The following OBSL1 variants were observed in gnomAD, a reference collection of about 807,000 sequenced individuals.
The protein encoded by OBSL1 is obscurin-like protein 1.
In OBSL1, 160 loss-of-function variants were observed where a neutral mutation model predicts 172.0. The ratio of observed to expected loss-of-function variants is 0.93; its 90% CI spans 0.82 to 1.06. The LOEUF (loss-of-function observed/expected upper bound fraction) is 1.06. Among genes scored for constraint, OBSL1 ranks in the 50% least tolerant of loss-of-function variants. The probability of loss-of-function intolerance (pLI) is 0.00; values close to 1 mark genes in which losing one functional copy is unlikely to be tolerated. For missense variants in OBSL1, 2,681 were observed against 2,715.4 expected (o/e 0.99, Z 0.28); for synonymous variants, 1,200 against 1,196.3 (o/e 1.00, Z -0.06).
At chr2:219,560,787 G>A (rs955083416) in intron 8 of OBSL1, among the ~76,000 whole-genome samples, 2 of 152,220 alleles carry the variant, frequency 1.3e-5, no homozygotes, top group Admixed American at 1.3e-4. Flanking sequence ...CTCTGGGGCC[G>A]AGCAAGGCCA....
chr2:219,566,831 T>G lies in OBSL1; in HGVS notation c.2133A>C (p.Gln711His). Residue 711 changes from glutamine (Q) to histidine (H), a missense_variant and splice_region_variant, in exon 5 of 21, where the codon CAA becomes CAC. Gln to His is a conservative substitution (Grantham distance 24). Transcript: ENST00000404537. ...GVQDSAALTI[Q>H]ESPVHILSPQ... Reference sequence around the variant, plus strand: ...ACTCAGGTCCCCACTGGCACCAACCTTGGATTGTGAGGGCAGCTGAGTCCT... The same window carrying G: ...ACTCAGGTCCCCACTGGCACCAACCGTGGATTGTGAGGGCAGCTGAGTCCT... 2 of 1,576,098 alleles carry G rather than the reference T, an allele frequency of 1.3e-6. No individual in the cohort carries two copies. Among genetic ancestry groups the G allele is most frequent in the African/African-American group, 1.3e-5 (1 of 74,316 alleles).
intron 5 of OBSL1, 21 bp from the exon 6 acceptor site, chr2:219,565,535 A>G (rs370908818): frequency 1.0e-5 from 16 of 1,597,700 alleles, no homozygotes; most frequent in Non-Finnish European, 1.4e-5. Context: ...AGAAGTACAG[A>G]TAAGCACCCC....
At chr2:219,557,780 G>A in intron 11 of OBSL1, 43 bp downstream of exon 11, 1 of 1,539,390 alleles carries the variant, frequency 6.5e-7, no homozygotes, top group African/African-American at 1.4e-5. Flanking sequence ...GCCACTCTCA[G>A]GCTTGGTGCC....
downstream of OBSL1, chr2:219,549,425 T>C (rs529972195): frequency 2.0e-6 from 3 of 1,527,978 alleles, no homozygotes; most frequent in African/African-American, 4.2e-5. Context: ...AGGACTGGGC[T>C]TTCCCCACGG....
At chr2:219,562,976 T>G in intron 7 of OBSL1, 2 of 498,034 alleles carry the variant, frequency 4.0e-6, no homozygotes, top group Non-Finnish European at 7.1e-6. Context: ...AGGGTGGAAC[T>G]GATGAGAGGA....
At chr2:219,551,225 G>A in intron 20 of OBSL1, 13 of 1,391,892 alleles carry the variant, frequency 9.3e-6, no homozygotes, top group Non-Finnish European at 1.2e-5. Context: ...GAAAGGAACT[G>A]GTAGAAACAG....
In OBSL1 at chr2:219,570,362, G is replaced by C; in HGVS notation, c.871C>G (p.Arg291Gly). Residue 291 changes from arginine (R) to glycine (G), a missense_variant, in exon 1 of 21, where the codon CGC becomes GGC. Transcript: ENST00000404537. ...WEGRPLLPDR[R>G]RLMYRDRDGG... is the part of the protein sequence containing the mutation. ...TCGCGGTCGCGGTACATGAGGCGGC[G>C]GCGGTCCGGGAGCAGCGGGCGGCCC... The C allele has an allele frequency of 6.2e-7, 1 of 1,612,904 alleles. No individual in the cohort carries two copies. The highest frequency in any genetic ancestry group is 1.1e-5 in the South Asian group (1 of 91,054).
intron 9 of OBSL1, 39 bp from the exon 10 acceptor site, chr2:219,558,498 C>A (rs1196063108): frequency 6.6e-7 from 1 of 1,507,538 alleles, no homozygotes; most frequent in East Asian, 2.5e-5. Flanking sequence ...TAGGCTTGGC[C>A]AGCAGGCCTC....
intron 20 of OBSL1, 24 bp downstream of exon 20, chr2:219,551,505 C>T (rs770447239): frequency 1.7e-5 from 27 of 1,553,676 alleles, no homozygotes; most frequent in Non-Finnish European, 2.4e-5. Context: ...ACCCTCCTGC[C>T]GCTGCCCAGT....
chr2:219,547,425 C>G, downstream of OBSL1: 1 of 1,155,528 alleles, frequency 8.7e-7, no homozygotes, highest in Non-Finnish European at 1.1e-6. Context: ...CCTGGGATCC[C>G]ATGTCCTTGA....
At chr2:219,552,010 GAAGA>G in intron 19 of OBSL1, 98 bp downstream of exon 19, 1 of 1,221,166 alleles carries the variant, frequency 8.2e-7, no homozygotes, top group Admixed American at 2.0e-5. Flanking sequence ...GGGGGGAAGG[GAAGA>G]GAGAGGCAGC....
Position 219,558,353 on chromosome 2 carries a change from C to G in OBSL1, c.3333G>C (p.Gln1111His). The change falls in exon 10 of 21, where the codon CAG becomes CAC. Residue 1111 changes from glutamine (Q) to histidine (H), a missense_variant. By Grantham distance (24) the Gln-to-His change is conservative. Transcript: ENST00000404537. Reference protein sequence around the residue: ...LRCEVAPAGSQVRWYKDGLEV... With the variant: ...LRCEVAPAGSHVRWYKDGLEV... ...CCAGCCCGTCCTTGTACCAGCGCAC[C>G]TGAGACCCAGCTGGGGCCACCTCAC... is the stretch of plus-strand genomic sequence containing the variant. The G allele has an allele frequency of 6.2e-7, 1 of 1,612,390 alleles. No individual in the cohort carries two copies. Among genetic ancestry groups the G allele is most frequent in the African/African-American group, 1.3e-5 (1 of 75,040 alleles).
chr2:219,564,034 G>A (rs1696692984), intron 6 of OBSL1, among the ~76,000 whole-genome samples: 1 of 152,186 alleles, frequency 6.6e-6, no homozygotes, highest in South Asian at 2.1e-4. Context: ...TCCAACAAGT[G>A]GCAACAGTGA....
At position 219,568,009 on chromosome 2, in the gene OBSL1, C is replaced by T. The variant is rs996144344; in HGVS notation, c.1283-40G>A. On this transcript the variant is annotated intron_variant, in intron 2 of 20. Transcript: ENST00000404537. This position sits in a 1 kb window ranked among gnomAD's most constrained non-coding sequence, Gnocchi z 4.1. Reference sequence around the variant, plus strand: ...GGAATCCATCAACCTGGAATCTGAGCACCTGCCTGCCTCCGCCTCAGCCTC... The same window carrying T: ...GGAATCCATCAACCTGGAATCTGAGTACCTGCCTGCCTCCGCCTCAGCCTC... The T allele has an allele frequency of 1.2e-6, 2 of 1,608,916 alleles. No individual in the cohort carries two copies. Among genetic ancestry groups the T allele is most frequent in the Non-Finnish European group, 1.7e-6 (2 of 1,175,962 alleles).
intron 7 of OBSL1, chr2:219,563,086 A>T (rs1696614789): frequency 2.0e-6 from 1 of 507,238 alleles, no homozygotes; most frequent in Admixed American, 3.4e-5. Context: ...CCTGCAATAG[A>T]CTCACTGTCC....
At position 219,552,516 on chromosome 2, in the gene OBSL1, G is replaced by A. The variant is rs1356080394; in HGVS notation, c.5308+20C>T. 2 of 1,589,792 alleles carry A rather than the reference G, an allele frequency of 1.3e-6. No homozygotes were observed. Among genetic ancestry groups the A allele is most frequent in the Non-Finnish European group, 1.7e-6 (2 of 1,174,598 alleles). On this transcript the variant is annotated intron_variant, in intron 18 of 20. Transcript: ENST00000404537. ...GGGCGGGGCAGCGAGGGGCCCGAAA[G>A]GGTAACCAGGCGGGCAGACCTTCCT...
chr2:219,554,558 GT>G lies in OBSL1; in HGVS notation c.4791del (p.Leu1598SerfsTer27). The G allele has an allele frequency of 4.3e-6, 7 of 1,613,506 alleles. No homozygotes were observed. Among genetic ancestry groups the G allele is most frequent in the Non-Finnish European group, 5.9e-6 (7 of 1,179,860 alleles). ...IHSDGHRHRL[V>X]LNGLGLADSG... ...GAGTCGGCCAGGCCCAGGCCATTGAGTACCAGTCGGTGACGGTGGCCGTCCG... is the reference window on the plus strand; with the variant it reads ...GAGTCGGCCAGGCCCAGGCCATTGAGACCAGTCGGTGACGGTGGCCGTCCG... On this transcript the variant is annotated frameshift_variant, in exon 15 of 21. Coordinates refer to ENST00000404537, the MANE Select transcript of OBSL1 (RefSeq NM_015311.3). LOFTEE classifies it high-confidence loss of function.
At chr2:219,548,174 G>C (rs961967495), downstream of OBSL1, 45 of 1,202,710 alleles carry the variant, frequency 3.7e-5, no homozygotes, top group Non-Finnish European at 4.9e-5. Context: ...GACAGCAGCA[G>C]AAGGCCTCGA....
chr2:219,557,033 T>C, intron 12 of OBSL1: 1 of 478,518 alleles, frequency 2.1e-6, no homozygotes, highest in Non-Finnish European at 3.6e-6. Flanking sequence ...TATCCCCTCT[T>C]TTCAGAGCCG....
Sources: allele counts gnomAD v4.1 joint callset (sites outside exome capture counted in the v4.1 genomes callset), GRCh38; gene constraint gnomAD v4.1.1; non-coding constraint Gnocchi (gnomAD v3.1); transcripts MANE v1.5; gene names NCBI Gene and HGNC (gene_info 2026-07-23, HGNC 2026-07-21).